SMIM36: variants seen among roughly 807,000 people sequenced by gnomAD.
The protein encoded by SMIM36 is small integral membrane protein 36.
chr17:55,471,996 T>G (rs1909347577), intron 3 of SMIM36, among the ~76,000 whole-genome samples: 1 of 152,192 alleles, frequency 6.6e-6, no homozygotes, highest in Non-Finnish European at 1.5e-5. Context: ...TGTCTGCCCC[T>G]CGACTCCTCC....
intron 1 of SMIM36, among the ~76,000 whole-genome samples, chr17:55,501,547 TTA>T (rs1909981082): frequency 8.2e-6 from 1 of 121,476 alleles, no homozygotes; most frequent in Middle Eastern, 3.8e-3. Flanking sequence ...ATATACAATA[TTA>T]TATATATCAT....
At position 55,490,347 on chromosome 17, in the gene SMIM36, G is replaced by A. The variant is rs148298772; in HGVS notation, c.*175-10767C>T. On this transcript the variant is annotated intron_variant, in intron 1 of 4. Transcript: ENST00000636752. ...TCTGCTTCTTTTTGCTGTTACATTA[G>A]TGGTTTGGACTGACAGCCATGGGGG... Among the ~76,000 whole-genome samples the A allele has an allele frequency of 1.7e-4, 26 of 152,240 alleles. 3 individuals are homozygous for A. Among genetic ancestry groups the A allele is most frequent in the African/African-American group, 5.8e-4 (24 of 41,534 alleles).
At chr17:55,512,348 G>A (rs936156326), upstream of SMIM36, among the ~76,000 whole-genome samples, 2 of 152,164 alleles carry the variant, frequency 1.3e-5, no homozygotes, top group African/African-American at 2.4e-5. Flanking sequence ...GGGCCAGAAG[G>A]CACAGGCACT....
At chr17:55,522,215 C>T in the SMIM36 span, among the ~76,000 whole-genome samples, 1 of 152,206 alleles carries the variant, frequency 6.6e-6, no homozygotes, top group Non-Finnish European at 1.5e-5. Context: ...ATAGTACTTG[C>T]ATAGTACCTG....
chr17:55,501,383 A>AATATAAT (rs1567871163), intron 1 of SMIM36, among the ~76,000 whole-genome samples: 29 of 29,362 alleles, frequency 9.9e-4, no homozygotes, highest in Admixed American at 2.7e-3. Flanking sequence ...TATATTATAG[A>AATATAAT]ATATAATATA....
intron 4 of SMIM36, among the ~76,000 whole-genome samples, chr17:55,451,208 A>G (rs1438510700): frequency 9.9e-5 from 15 of 152,156 alleles, no homozygotes; most frequent in Non-Finnish European, 8.8e-5. Flanking sequence ...TATCATCCAT[A>G]GACTAAGACC....
intron 4 of SMIM36, among the ~76,000 whole-genome samples, chr17:55,462,545 G>T (rs1429259951): frequency 1.3e-5 from 2 of 152,196 alleles, no homozygotes; most frequent in African/African-American, 4.8e-5. Context: ...ATTTGAAGTT[G>T]CAGTGAGCTA....
At chr17:55,518,975 G>A in the SMIM36 span, among the ~76,000 whole-genome samples, 394 of 150,266 alleles carry the variant, frequency 2.6e-3, 2 homozygotes, top group African/African-American at 9.1e-3. Context: ...TATGAGGTTT[G>A]TTTCATCTGA....
chr17:55,480,931 T>C (rs1909508862), intron 1 of SMIM36, among the ~76,000 whole-genome samples: 1 of 152,206 alleles, frequency 6.6e-6, no homozygotes, highest in African/African-American at 2.4e-5. Flanking sequence ...TATTATAAAC[T>C]GTCATACTTT....
In SMIM36 at chr17:55,479,448, G is replaced by A. The variant is rs2143273458; in HGVS notation, c.*295+12C>T. 1 of 152,318 alleles carries A rather than the reference G, an allele frequency of 6.6e-6. No homozygotes were observed. The highest frequency in any genetic ancestry group is 6.5e-5 in the Admixed American group (1 of 15,282). The allele number at this position is 152,318 out of a possible 1,614,324, so 9.4% of individuals were successfully genotyped here. On this transcript the variant is annotated intron_variant, in intron 2 of 4. Transcript: ENST00000636752. Reference sequence around the variant, plus strand: ...AAAAATACAAAAAGTAGGTGGGTGTGGTGGTACATGCCTGTAATCCCAGCT... The same window carrying A: ...AAAAATACAAAAAGTAGGTGGGTGTAGTGGTACATGCCTGTAATCCCAGCT...
intron 1 of SMIM36, among the ~76,000 whole-genome samples, chr17:55,493,086 A>G (rs1909741346): frequency 6.6e-6 from 1 of 152,182 alleles, no homozygotes; most frequent in South Asian, 2.1e-4. Context: ...GCCCCCTGTT[A>G]AGCTTCCTGC....
exon 5 of SMIM36, chr17:55,449,934 C>A (rs1256525273): frequency 3.3e-5 from 5 of 152,020 alleles, no homozygotes; most frequent in Non-Finnish European, 7.4e-5. Context: ...AGGATGATCC[C>A]CCAAAAGACA....
At chr17:55,517,533 A>C in the SMIM36 span, among the ~76,000 whole-genome samples, 2 of 152,346 alleles carry the variant, frequency 1.3e-5, no homozygotes, top group South Asian at 4.1e-4. Flanking sequence ...ACTGCACTTT[A>C]GCCTGGGCGA....
the SMIM36 span, among the ~76,000 whole-genome samples, chr17:55,524,510 T>C: frequency 6.6e-6 from 1 of 152,214 alleles, no homozygotes; most frequent in Non-Finnish European, 1.5e-5. Flanking sequence ...CTTTCTGCAA[T>C]AGGTGAACTA....
chr17:55,479,936 T>A (rs1453763286), intron 1 of SMIM36, among the ~76,000 whole-genome samples: 1 of 152,148 alleles, frequency 6.6e-6, no homozygotes, highest in East Asian at 1.9e-4. Flanking sequence ...TGTCACAATT[T>A]TTGCTGTGAA....
At chr17:55,526,450 C>T in the SMIM36 span, among the ~76,000 whole-genome samples, 6 of 152,126 alleles carry the variant, frequency 3.9e-5, no homozygotes, top group Non-Finnish European at 7.3e-5. Flanking sequence ...TGAGCCACCT[C>T]GCCCGGCCGA....
chr17:55,451,621 G>T (rs1351998382), intron 4 of SMIM36, among the ~76,000 whole-genome samples: 1 of 152,148 alleles, frequency 6.6e-6, no homozygotes, highest in Non-Finnish European at 1.5e-5. Flanking sequence ...CACCCTCTTT[G>T]TACCTGGCAC....
chr17:55,490,125 G>A (rs1401843523), intron 1 of SMIM36, among the ~76,000 whole-genome samples: 1 of 152,086 alleles, frequency 6.6e-6, no homozygotes, highest in Non-Finnish European at 1.5e-5. Flanking sequence ...AAAGTGCTCG[G>A]ATTATAGACA....
At chr17:55,453,696 C>A (rs1567861283) in intron 4 of SMIM36, among the ~76,000 whole-genome samples, 1 of 152,182 alleles carries the variant, frequency 6.6e-6, no homozygotes, top group Non-Finnish European at 1.5e-5. Context: ...GAAGCCCCTA[C>A]TGTTCCCTCC....
Sources: allele counts gnomAD v4.1 joint callset (sites outside exome capture counted in the v4.1 genomes callset), GRCh38; gene constraint gnomAD v4.1.1; transcripts MANE v1.5; gene names NCBI Gene and HGNC (gene_info 2026-07-23, HGNC 2026-07-21).